PRIM2: variants seen among roughly 807,000 people sequenced by gnomAD.
The protein encoded by PRIM2 is DNA primase subunit 2, also known as DNA primase large subunit.
In PRIM2, 39 loss-of-function variants were observed where a neutral mutation model predicts 67.3. That is an observed-to-expected ratio of 0.58 (90% CI 0.45 to 0.76). The LOEUF (loss-of-function observed/expected upper bound fraction) is 0.76, where lower values mean the gene tolerates loss of function less well. Among genes scored for constraint, PRIM2 ranks in the 30% least tolerant of loss-of-function variants. PRIM2 has a pLI of 0.00. For synonymous variants in PRIM2, 143 were observed against 198.7 expected, an observed-to-expected ratio of 0.72 and a Z score of 2.36; for missense variants, 398 against 598.7, an observed-to-expected ratio of 0.66 and a Z score of 3.50.
chr6:57,264,366 G>T, the PRIM2 span, among the ~76,000 whole-genome samples: 1 of 152,024 alleles, frequency 6.6e-6, no homozygotes, highest in African/African-American at 2.4e-5. Flanking sequence ...GTCGTCGGGG[G>T]AGTGGTCTGC....
chr6:57,459,418 AT>A (rs1772922823), intron 7 of PRIM2, among the ~76,000 whole-genome samples: 1 of 152,220 alleles, frequency 6.6e-6, no homozygotes. Flanking sequence ...TTAGGTGGAC[AT>A]TTTTAGCCCA....
At chr6:57,326,197 C>A (rs1169555114) in intron 5 of PRIM2, 152 bp downstream of exon 5, 1 of 721,942 alleles carries the variant, frequency 1.4e-6, no homozygotes, top group Admixed American at 4.0e-5. Flanking sequence ...AACAATATAT[C>A]TTTCCTTCTC....
At chr6:57,641,362 C>T (rs1338848293) in intron 13 of PRIM2, among the ~76,000 whole-genome samples, 14 of 152,102 alleles carry the variant, frequency 9.2e-5, no homozygotes, top group South Asian at 2.1e-4. Flanking sequence ...CCAAAAGCAA[C>T]GGCAACAAAA....
chr6:57,592,518 GGCGTGATGGCTCACGCCTGTA>G (rs1362248680), intron 10 of PRIM2, among the ~76,000 whole-genome samples: 2 of 152,152 alleles, frequency 1.3e-5, no homozygotes, highest in Non-Finnish European at 1.5e-5. Flanking sequence ...TAGTAGGCCA[GGCGTGATGGCTCACGCCTGTA>G]ATCTCAGCAC....
chr6:57,330,840 CT>C (rs779418802), intron 5 of PRIM2, among the ~76,000 whole-genome samples: 2 of 151,944 alleles, frequency 1.3e-5, no homozygotes, highest in Non-Finnish European at 2.9e-5. Context: ...TTTGTCAGTG[CT>C]TTTCCTGCAC....
intron 7 of PRIM2, among the ~76,000 whole-genome samples, chr6:57,473,788 C>G (rs1300520078): frequency 6.6e-6 from 1 of 152,190 alleles, no homozygotes; most frequent in Admixed American, 6.5e-5. Context: ...CCTTCCACCA[C>G]CCCTGCGCCC....
chr6:57,490,054 A>G (rs1415461283), intron 7 of PRIM2, among the ~76,000 whole-genome samples: 1 of 151,608 alleles, frequency 6.6e-6, no homozygotes, highest in Non-Finnish European at 1.5e-5. Flanking sequence ...GGGCAGCACT[A>G]AAGGCTGATG....
chr6:57,524,140 TA>T (rs1158396332), intron 8 of PRIM2, among the ~76,000 whole-genome samples: 2 of 152,220 alleles, frequency 1.3e-5, no homozygotes, highest in South Asian at 2.1e-4. Context: ...TAATTGGATT[TA>T]AAATGGGATC....
At chr6:57,394,858 G>A (rs546881165) in intron 7 of PRIM2, among the ~76,000 whole-genome samples, 4 of 152,112 alleles carry the variant, frequency 2.6e-5, no homozygotes, top group African/African-American at 4.8e-5. Flanking sequence ...TTTGTGGAGA[G>A]TTTTAATCAT....
chr6:57,222,850 T>C, the PRIM2 span, among the ~76,000 whole-genome samples: 1 of 152,252 alleles, frequency 6.6e-6, no homozygotes, highest in Non-Finnish European at 1.5e-5. Context: ...TCTACTTTGC[T>C]GCTGGAATGT....
At chr6:57,422,371 A>G (rs1318685705) in intron 7 of PRIM2, among the ~76,000 whole-genome samples, 1 of 151,958 alleles carries the variant, frequency 6.6e-6, no homozygotes, top group Non-Finnish European at 1.5e-5. Context: ...TCCTGACCTC[A>G]GGTGATCCTC....
At chr6:57,481,042 G>A (rs1347434986) in intron 7 of PRIM2, among the ~76,000 whole-genome samples, 1 of 152,168 alleles carries the variant, frequency 6.6e-6, no homozygotes, top group Admixed American at 6.5e-5. Context: ...ATGTAGTACA[G>A]AGAGGTCCTT....
chr6:57,279,468 TC>T, the PRIM2 span, among the ~76,000 whole-genome samples: 17 of 152,072 alleles, frequency 1.1e-4, no homozygotes, highest in African/African-American at 3.6e-4. Flanking sequence ...CAATGCAGTG[TC>T]CCTGGGAGAA....
the PRIM2 span, among the ~76,000 whole-genome samples, chr6:57,265,447 C>T: frequency 6.6e-5 from 10 of 152,278 alleles, no homozygotes; most frequent in South Asian, 1.2e-3. Context: ...TAGCTTGCCA[C>T]GTTGGTATGT....
intron 10 of PRIM2, among the ~76,000 whole-genome samples, chr6:57,597,891 A>G (rs2127490556): frequency 6.6e-6 from 1 of 152,330 alleles, no homozygotes; most frequent in Admixed American, 6.5e-5. Flanking sequence ...ATTATTTATA[A>G]ACTCAAAATA....
chr6:57,306,421 G>T, the PRIM2 span, among the ~76,000 whole-genome samples: 1 of 152,162 alleles, frequency 6.6e-6, no homozygotes, highest in South Asian at 2.1e-4. Context: ...TATAGCAAGA[G>T]ACGAAATTCA....
the PRIM2 span, among the ~76,000 whole-genome samples, chr6:57,261,471 G>A: frequency 3.3e-5 from 5 of 152,292 alleles, no homozygotes; most frequent in African/African-American, 1.2e-4. Context: ...AGAAACCAGA[G>A]GGCAAAGGAA....
At position 57,524,472 on chromosome 6, in the gene PRIM2, C is replaced by T. The variant is rs1482860343; in HGVS notation, c.762-7939C>T. On this transcript the variant is annotated intron_variant, in intron 8 of 13. Transcript: ENST00000615550. The stretch of plus-strand genomic sequence containing the variant: ...ATCCCAGCACTTTGGGAGGCCGAGG[C>T]GGGCTGATCACCTGAGATCAGGAGT... Among the ~76,000 whole-genome samples the T allele has an allele frequency of 5.9e-5, 9 of 152,142 alleles. No homozygotes were observed. In the South Asian group the frequency reaches 1.7e-3, roughly 28 times the overall value.
the PRIM2 span, among the ~76,000 whole-genome samples, chr6:57,241,239 GA>G: frequency 2.1e-5 from 3 of 139,998 alleles, no homozygotes; most frequent in Admixed American, 7.2e-5. Context: ...AAAAAAAAAA[GA>G]AAAAAAGAAA....
Sources: gnomAD v4.1 joint callset for allele counts (sites outside exome capture counted in the v4.1 genomes callset) on GRCh38, gnomAD v4.1.1 for gene constraint, MANE v1.5 for transcripts, NCBI Gene and HGNC (gene_info 2026-07-23, HGNC 2026-07-21) for gene names.